CEP20: variants seen among roughly 807,000 people sequenced by gnomAD.
CEP20 encodes the protein centrosomal protein 20, also known as FGFR1OP N-terminal like.
In CEP20, 18 loss-of-function variants were observed where a neutral mutation model predicts 20.0. The ratio of observed to expected loss-of-function variants is 0.90; its 90% CI spans 0.62 to 1.34. CEP20 has a LOEUF of 1.34. Among genes scored for constraint, CEP20 ranks in the 40% most tolerant of loss-of-function variants. The probability of loss-of-function intolerance (pLI) is 0.00; values close to 1 mark genes in which losing one functional copy is unlikely to be tolerated. For missense variants in CEP20, 215 were observed against 201.6 expected (o/e 1.07, Z -0.40); for synonymous variants, 77 against 73.7 (o/e 1.04, Z -0.23).
chr16:15,876,308 T>C (rs1394284542), intron 3 of CEP20, among the ~76,000 whole-genome samples: 2 of 151,724 alleles, frequency 1.3e-5, no homozygotes, highest in African/African-American at 4.8e-5. Flanking sequence ...AAACCGTCTC[T>C]ACTAAAAATA....
At position 15,879,794 on chromosome 16, in the gene CEP20, A is replaced by C. The variant is rs1297038413; in HGVS notation, c.311+10T>G. ...CAATATGTGGAAACTTCTTTAAAAA[A>C]ATGTCTTACATTGTATTATCCTTTG... On this transcript the variant is annotated intron_variant, in intron 3 of 4. Transcript: ENST00000255759. 6.5e-7 allele frequency: 1 copy of C among 1,530,842 alleles called. No homozygotes were observed. Among genetic ancestry groups the C allele is most frequent in the Non-Finnish European group, 8.9e-7 (1 of 1,126,730 alleles). The allele number at this position is 1,530,842 out of a possible 1,614,324, so 94.8% of individuals were successfully genotyped here. A position where few individuals can be genotyped will look rare whatever the true frequency, so the allele number is the denominator to read the frequency against.
chr16:15,888,525 T>G (rs1339275077), intron 1 of CEP20, 33 bp downstream of exon 1: 2 of 1,613,940 alleles, frequency 1.2e-6, no homozygotes, highest in African/African-American at 2.7e-5. Context: ...GGCCCGACGC[T>G]TCCCATGTGG....
rs2044682858 is a variant in CEP20, at chr16:15,866,483, ACTT to A, written c.*954_*956del. On this transcript the variant is annotated 3_prime_UTR_variant, in exon 5 of 5. Transcript: ENST00000255759. Reference sequence around the variant, plus strand: ...AGCCTGTGGACACTACATTAAAAATACTTCTTTAATAAATATCGAAGTAGCGTA... The same window carrying A: ...AGCCTGTGGACACTACATTAAAAATACTTTAATAAATATCGAAGTAGCGTA... 6.6e-6 allele frequency: 1 copy of A among 152,264 alleles called. No individual in the cohort carries two copies. Among genetic ancestry groups the A allele is most frequent in the Admixed American group, 6.5e-5 (1 of 15,288 alleles). The allele number at this position is 152,264 out of a possible 1,614,324, so 9.4% of individuals were successfully genotyped here.
intron 2 of CEP20, among the ~76,000 whole-genome samples, chr16:15,881,963 A>T (rs987756802): frequency 2.6e-5 from 4 of 151,962 alleles, no homozygotes; most frequent in Admixed American, 2.6e-4. Context: ...CCCAAATCTC[A>T]TGTTGCAACG....
intron 4 of CEP20, among the ~76,000 whole-genome samples, chr16:15,869,861 T>A (rs572250451): frequency 2.0e-4 from 30 of 152,244 alleles, no homozygotes; most frequent in Non-Finnish European, 3.7e-4. Context: ...CACAAAGAGG[T>A]TGTGTCAATA....
chr16:15,867,899 G>A (rs1228558631), intron 4 of CEP20, among the ~76,000 whole-genome samples: 1 of 150,868 alleles, frequency 6.6e-6, no homozygotes, highest in African/African-American at 2.4e-5. Flanking sequence ...CTTGAACCTG[G>A]GAGGCAGAAG....
chr16:15,870,442 T>C lies in CEP20; in HGVS notation c.449-2926A>G, dbSNP rs577407389. Among the ~76,000 whole-genome samples, 195 of 152,282 alleles carry C rather than the reference T, an allele frequency of 1.3e-3. 1 individual carries two copies. The highest frequency in any genetic ancestry group is 4.2e-3 in the African/African-American group (176 of 41,554). ...ACAATATCTACTACATTTTTAAATA[T>C]GCATATCCTTTGAACCAACAACTCT... is the stretch of plus-strand genomic sequence containing the variant. On this transcript the variant is annotated intron_variant, in intron 4 of 4. Transcript: ENST00000255759.
At chr16:15,869,601 G>A (rs532097861) in intron 4 of CEP20, among the ~76,000 whole-genome samples, 7 of 152,196 alleles carry the variant, frequency 4.6e-5, no homozygotes, top group South Asian at 2.1e-4. Context: ...GTGAGCTGCC[G>A]TGGCCTGGCC....
chr16:15,878,547 A>G (rs1394785873), intron 3 of CEP20, among the ~76,000 whole-genome samples: 1 of 150,868 alleles, frequency 6.6e-6, no homozygotes, highest in East Asian at 1.9e-4. Flanking sequence ...CCTAGGCTAG[A>G]GTGCAGTGGT....
chr16:15,873,238 T>C (rs1387006933), intron 4 of CEP20, among the ~76,000 whole-genome samples: 1 of 152,130 alleles, frequency 6.6e-6, no homozygotes, highest in African/African-American at 2.4e-5. Context: ...CCATTGTGCC[T>C]AGCCCAGAGT....
chr16:15,875,425 C>T (rs912368232), intron 3 of CEP20, among the ~76,000 whole-genome samples: 3 of 151,736 alleles, frequency 2.0e-5, no homozygotes, highest in Non-Finnish European at 2.9e-5. Flanking sequence ...GGGGGGCCAG[C>T]CTGGCCTCAA....
chr16:15,886,616 G>A (rs2045253412), intron 1 of CEP20, among the ~76,000 whole-genome samples: 1 of 152,178 alleles, frequency 6.6e-6, no homozygotes, highest in Non-Finnish European at 1.5e-5. Flanking sequence ...CTCAGTGGTG[G>A]ATTACCAACC....
chr16:15,882,553 T>A (rs62031717), intron 2 of CEP20, among the ~76,000 whole-genome samples: 16,555 of 112,734 alleles, frequency 0.15, 864 homozygotes, highest in African/African-American at 0.23. Context: ...CAAACAAACA[T>A]ACAAAAAAAC....
chr16:15,875,263 GTTTAC>G (rs1236991911), intron 3 of CEP20, among the ~76,000 whole-genome samples: 7 of 152,116 alleles, frequency 4.6e-5, no homozygotes, highest in African/African-American at 1.4e-4. Flanking sequence ...AGGTCTCTTT[GTTTAC>G]TTTAATCTTC....
chr16:15,886,688 G>A lies in CEP20; in HGVS notation c.28+1870C>T, dbSNP rs189652619. 3.0e-3 allele frequency among the ~76,000 whole-genome samples: 452 copies of A among 152,226 alleles called. 2 individuals are homozygous for A. Among genetic ancestry groups the A allele is most frequent in the African/African-American group, 0.01 (430 of 41,556 alleles). The stretch of plus-strand genomic sequence containing the variant: ...ACCTCTCAGAGATAGAACCAAGTAA[G>A]AAGGAAAAACGTGATCGTGCTTAAA... On this transcript the variant is annotated intron_variant, in intron 1 of 4. Transcript: ENST00000255759.
intron 3 of CEP20, among the ~76,000 whole-genome samples, chr16:15,875,608 T>A (rs914356001): frequency 6.6e-6 from 1 of 152,078 alleles, no homozygotes; most frequent in African/African-American, 2.4e-5. Context: ...ATTCATGGAT[T>A]AAGGTTTATC....
At chr16:15,880,816 G>A (rs1228888655) in intron 2 of CEP20, among the ~76,000 whole-genome samples, 12 of 152,056 alleles carry the variant, frequency 7.9e-5, no homozygotes, top group Admixed American at 7.9e-4. Context: ...GATTCTCATA[G>A]AAGCGTGAAC....
At chr16:15,870,870 G>A (rs148882206) in intron 4 of CEP20, among the ~76,000 whole-genome samples, 3 of 152,122 alleles carry the variant, frequency 2.0e-5, no homozygotes, top group Admixed American at 6.6e-5. Flanking sequence ...AGTTAAAAAC[G>A]AGATCTACAC....
At chr16:15,881,485 C>T (rs1035495517) in intron 2 of CEP20, among the ~76,000 whole-genome samples, 1 of 152,168 alleles carries the variant, frequency 6.6e-6, no homozygotes, top group Non-Finnish European at 1.5e-5. Context: ...AATAAAGGAT[C>T]TGTAACGAAA....
Sources: gnomAD v4.1 joint callset for allele counts (sites outside exome capture counted in the v4.1 genomes callset) on GRCh38, gnomAD v4.1.1 for gene constraint, MANE v1.5 for transcripts, NCBI Gene and HGNC (gene_info 2026-07-23, HGNC 2026-07-21) for gene names.